TMPRSS15: variants seen among roughly 807,000 people sequenced by gnomAD.
TMPRSS15 encodes transmembrane serine protease 15.
A neutral mutation model predicts 125.3 loss-of-function variants in TMPRSS15; 128 were observed. That is an observed-to-expected ratio of 1.02 (90% CI 0.89 to 1.18). TMPRSS15 has a LOEUF of 1.18. TMPRSS15 is among the 50% of genes most tolerant of loss of function. TMPRSS15 has a pLI of 0.00. For missense variants in TMPRSS15, 1,283 were observed against 1,212.7 expected, an observed-to-expected ratio of 1.06 and a Z score of -0.86; for synonymous variants, 446 against 423.2, an observed-to-expected ratio of 1.05 and a Z score of -0.66.
intron 1 of TMPRSS15, among the ~76,000 whole-genome samples, chr21:18,412,700 G>A (rs1434951797): frequency 6.6e-6 from 1 of 152,144 alleles, no homozygotes; most frequent in Non-Finnish European, 1.5e-5. Flanking sequence ...AGAATTATGT[G>A]TTTGATTAAT....
Position 18,356,239 on chromosome 21 carries a change from C to G in TMPRSS15, c.881-2376G>C, listed in dbSNP as rs115242901. Among the ~76,000 whole-genome samples the G allele has an allele frequency of 6.2e-3, 943 of 151,862 alleles. 13 individuals carry two copies. Among genetic ancestry groups the G allele is most frequent in the African/African-American group, 0.021 (886 of 41,506 alleles). On this transcript the variant is annotated intron_variant, in intron 8 of 24. Transcript: ENST00000284885. ...TACAGATGTGGGGAATTTGGAAAGA[C>G]GGCAATGGACGGGGAAGACCAACTT... is the stretch of plus-strand genomic sequence containing the variant.
intron 3 of TMPRSS15, among the ~76,000 whole-genome samples, chr21:18,391,411 G>A (rs937804579): frequency 3.9e-5 from 6 of 152,112 alleles, no homozygotes; most frequent in African/African-American, 9.7e-5. Flanking sequence ...CAAAACAAAG[G>A]GGCTACAGGC....
chr21:18,334,150 G>A (rs374752474), intron 13 of TMPRSS15, among the ~76,000 whole-genome samples: 7 of 152,206 alleles, frequency 4.6e-5, no homozygotes, highest in Admixed American at 6.5e-5. Context: ...ATTTATGTAA[G>A]TCACTTGAAA....
chr21:18,369,802 T>A (rs1222079623), intron 6 of TMPRSS15, among the ~76,000 whole-genome samples: 8 of 152,018 alleles, frequency 5.3e-5, no homozygotes, highest in Non-Finnish European at 1.2e-4. Context: ...TGAAAGTCAT[T>A]AGGCTTGTGG....
intron 18 of TMPRSS15, among the ~76,000 whole-genome samples, chr21:18,300,354 CTCT>C (rs1222452161): frequency 0.013 from 1,209 of 92,314 alleles, 21 homozygotes; most frequent in African/African-American, 0.049. Context: ...TTCTTTCTTT[CTCT>C]TTTTTTTTTT....
chr21:18,287,176 G>A lies in TMPRSS15; in HGVS notation c.2487-5955C>T, dbSNP rs184063338. ...AGGAAAGATTTTGTTGGTCTGTACAGCACTATCATCTCCAAACTTAGAAAA... is the reference window on the plus strand; with the variant it reads ...AGGAAAGATTTTGTTGGTCTGTACAACACTATCATCTCCAAACTTAGAAAA... On this transcript the variant is annotated intron_variant, in intron 21 of 24. Coordinates refer to ENST00000284885, the MANE Select transcript of TMPRSS15 (RefSeq NM_002772.3). Among the ~76,000 whole-genome samples, 5 of 152,268 alleles carry A rather than the reference G, an allele frequency of 3.3e-5. No homozygotes were observed. The East Asian group carries it at 9.7e-4, about 29-fold the overall frequency.
At chr21:18,474,571 T>G (rs1298125269) in intron 1 of TMPRSS15, among the ~76,000 whole-genome samples, 2 of 152,120 alleles carry the variant, frequency 1.3e-5, no homozygotes, top group East Asian at 3.9e-4. Flanking sequence ...ATTACAGGTG[T>G]GAGCCACCGC....
Position 18,383,746 on chromosome 21 carries a change from AAAAGGTCAAATACGACTAT to A in TMPRSS15, c.358_376del (p.Ile120SerfsTer11), listed in dbSNP as rs1194056190. On this transcript the variant is annotated frameshift_variant, in exon 4 of 25. Transcript: ENST00000284885. LOFTEE classifies it high-confidence loss of function. ...TTCATCTGACACCCACTGGGCAAAG[AAAAGGTCAAATACGACTAT>A]AATGCTGCCATTTCTGCAAAGCAAA... 1 of 1,613,638 alleles carries A rather than the reference AAAAGGTCAAATACGACTAT, an allele frequency of 6.2e-7. No homozygotes were observed. Among genetic ancestry groups the A allele is most frequent in the African/African-American group, 1.3e-5 (1 of 74,940 alleles).
At chr21:18,271,107 A>G (rs1395299104) in intron 24 of TMPRSS15, among the ~76,000 whole-genome samples, 2 of 152,174 alleles carry the variant, frequency 1.3e-5, no homozygotes, top group East Asian at 3.9e-4. Context: ...CATACACAGG[A>G]ACATAAATTG....
At chr21:18,399,372 G>C (rs775634655) in intron 1 of TMPRSS15, among the ~76,000 whole-genome samples, 3 of 152,078 alleles carry the variant, frequency 2.0e-5, no homozygotes, top group Non-Finnish European at 2.9e-5. Flanking sequence ...AATTCAGGCA[G>C]TATGTGTGCA....
At position 18,315,094 on chromosome 21, in the gene TMPRSS15, C is replaced by T. The variant is rs1161205809; in HGVS notation, c.2032+52G>A. 4.3e-6 allele frequency: 6 copies of T among 1,398,826 alleles called. No individual in the cohort carries two copies. In the Admixed American group the frequency reaches 8.4e-5, roughly 20 times the overall value. The allele number at this position is 1,398,826 out of a possible 1,614,324, so 86.7% of individuals were successfully genotyped here. ...TAATCTTTCTTTGACACTGTAGAGT[C>T]CAAATGCAGAGGCTAAAGTCATAAA... On this transcript the variant is annotated intron_variant, in intron 17 of 24. Transcript: ENST00000284885.
At chr21:18,304,567 T>G (rs2075009430) in intron 18 of TMPRSS15, among the ~76,000 whole-genome samples, 1 of 152,198 alleles carries the variant, frequency 6.6e-6, no homozygotes, top group Non-Finnish European at 1.5e-5. Flanking sequence ...TAATCTCTTC[T>G]TCTGATACAA....
Position 18,274,438 on chromosome 21 carries a change from C to T in TMPRSS15, c.2904+759G>A, listed in dbSNP as rs187258372. ...TATTGTGTGTACTTGGATTTCATGGCGCTAATAGGAACATTACTCTTAGGT... is the reference window on the plus strand; with the variant it reads ...TATTGTGTGTACTTGGATTTCATGGTGCTAATAGGAACATTACTCTTAGGT... On this transcript the variant is annotated intron_variant, in intron 24 of 24. Coordinates refer to ENST00000284885, the MANE Select transcript of TMPRSS15 (RefSeq NM_002772.3). Among the ~76,000 whole-genome samples, 7 of 152,228 alleles carry T rather than the reference C, an allele frequency of 4.6e-5. No homozygotes were observed. In the East Asian group the frequency reaches 5.8e-4, roughly 13 times the overall value.
chr21:18,447,670 G>C (rs975252117), intron 1 of TMPRSS15, among the ~76,000 whole-genome samples: 2 of 152,004 alleles, frequency 1.3e-5, no homozygotes, highest in Non-Finnish European at 2.9e-5. Context: ...AGATCTCATA[G>C]TTTTATAGGG....
chr21:18,397,165 C>CT (rs1428718607), intron 3 of TMPRSS15, among the ~76,000 whole-genome samples: 2 of 151,904 alleles, frequency 1.3e-5, no homozygotes, highest in Non-Finnish European at 2.9e-5. Flanking sequence ...ACTTGTATCT[C>CT]TATTCCAAAA....
At chr21:18,321,969 A>AG (rs1491390660) in intron 16 of TMPRSS15, among the ~76,000 whole-genome samples, 1 of 152,226 alleles carries the variant, frequency 6.6e-6, no homozygotes, top group Non-Finnish European at 1.5e-5. Flanking sequence ...AGCTTCAATC[A>AG]GGGGGATTTT....
chr21:18,415,465 C>T (rs1202370240), intron 1 of TMPRSS15, among the ~76,000 whole-genome samples: 1 of 152,074 alleles, frequency 6.6e-6, no homozygotes, highest in Non-Finnish European at 1.5e-5. Context: ...ATGTTTTCTT[C>T]TAGAAGTTTG....
At chr21:18,297,910 G>C in intron 18 of TMPRSS15, 81 bp from the exon 19 acceptor site, 1 of 1,064,606 alleles carries the variant, frequency 9.4e-7, no homozygotes, top group Non-Finnish European at 1.4e-6. Context: ...GTTCCTTAAT[G>C]CTATGGACAT....
At chr21:18,324,032 C>G (rs888872398) in intron 16 of TMPRSS15, among the ~76,000 whole-genome samples, 6 of 152,012 alleles carry the variant, frequency 3.9e-5, no homozygotes, top group Admixed American at 3.9e-4. Flanking sequence ...AAAAATTTCC[C>G]TCTTGAAATT....
Sources: allele counts gnomAD v4.1 joint callset (sites outside exome capture counted in the v4.1 genomes callset), GRCh38; gene constraint gnomAD v4.1.1; transcripts MANE v1.5; gene names NCBI Gene and HGNC (gene_info 2026-07-23, HGNC 2026-07-21).